The following SLC44A5 variants were observed in gnomAD, a reference collection of about 807,000 sequenced individuals.
SLC44A5 encodes solute carrier family 44 member 5.
A neutral mutation model predicts 101.8 loss-of-function variants in SLC44A5; 57 were observed. The observed-to-expected ratio is 0.56, with a 90% confidence interval of 0.45 to 0.70. The LOEUF (loss-of-function observed/expected upper bound fraction) is 0.70. Ranked by LOEUF, SLC44A5 falls within the 30% of genes least tolerant of loss-of-function variation. The pLI is 0.00. For missense variants in SLC44A5, 737 were observed against 853.1 expected (o/e 0.86, Z 1.70); for synonymous variants, 281 against 290.9 (o/e 0.97, Z 0.35).
chr1:75,605,637 T>A (rs920983798), intron 1 of SLC44A5, among the ~76,000 whole-genome samples: 1 of 152,112 alleles, frequency 6.6e-6, no homozygotes, highest in Non-Finnish European at 1.5e-5. Context: ...TTAATGTTCC[T>A]CTGTCATGGG....
At chr1:75,670,420 G>A in the SLC44A5 span, among the ~76,000 whole-genome samples, 2 of 152,078 alleles carry the variant, frequency 1.3e-5, no homozygotes, top group Non-Finnish European at 2.9e-5. Flanking sequence ...ACAACAGAAT[G>A]AAAGGGAATT....
intron 3 of SLC44A5, among the ~76,000 whole-genome samples, chr1:75,388,546 C>G (rs191334321): frequency 2.0e-5 from 3 of 152,046 alleles, no homozygotes; most frequent in Non-Finnish European, 4.4e-5. Flanking sequence ...TTTGGGAGGC[C>G]GAGGCGGGTG....
At chr1:75,653,987 T>C in the SLC44A5 span, among the ~76,000 whole-genome samples, 1 of 152,134 alleles carries the variant, frequency 6.6e-6, no homozygotes, top group Non-Finnish European at 1.5e-5. Context: ...ACTATAAAGG[T>C]AGGGTAAAGC....
intron 23 of SLC44A5, among the ~76,000 whole-genome samples, chr1:75,207,922 T>C (rs1267071789): frequency 1.3e-5 from 2 of 152,186 alleles, no homozygotes; most frequent in Non-Finnish European, 2.9e-5. Context: ...CTGTCTAGGA[T>C]GCTCTTCCCT....
intron 16 of SLC44A5, 120 bp downstream of exon 16, chr1:75,219,137 T>C: frequency 1.4e-6 from 1 of 728,502 alleles, no homozygotes; most frequent in Non-Finnish European, 2.4e-6. Flanking sequence ...CTTCAGCACA[T>C]AGTTGTCCCC....
At chr1:75,713,035 C>T in the SLC44A5 span, among the ~76,000 whole-genome samples, 1,361 of 152,272 alleles carry the variant, frequency 8.9e-3, 21 homozygotes, top group African/African-American at 0.031. Context: ...ACTATAACTG[C>T]TCCTGTTCCG....
intron 2 of SLC44A5, among the ~76,000 whole-genome samples, chr1:75,446,435 T>G (rs1665580271): frequency 6.6e-6 from 1 of 152,184 alleles, no homozygotes; most frequent in Non-Finnish European, 1.5e-5. Context: ...CTCTTTTGAG[T>G]CTCTGCCTAA....
At chr1:75,383,847 C>A (rs528306740) in intron 3 of SLC44A5, among the ~76,000 whole-genome samples, 1 of 152,068 alleles carries the variant, frequency 6.6e-6, no homozygotes, top group African/African-American at 2.4e-5. Context: ...ATCAGACTAA[C>A]AGCAGATCTC....
At chr1:75,486,821 T>C (rs1330820727) in intron 2 of SLC44A5, among the ~76,000 whole-genome samples, 1 of 152,224 alleles carries the variant, frequency 6.6e-6, no homozygotes, top group Non-Finnish European at 1.5e-5. Context: ...TTTCTTTCTG[T>C]TCTGAATCCT....
At chr1:75,550,273 T>C (rs1671867472) in intron 1 of SLC44A5, among the ~76,000 whole-genome samples, 1 of 152,102 alleles carries the variant, frequency 6.6e-6, no homozygotes, top group Non-Finnish European at 1.5e-5. Context: ...GAAAACATGC[T>C]AAGTGAAAGA....
chr1:75,412,433 G>A (rs76360113), intron 2 of SLC44A5, among the ~76,000 whole-genome samples: 5 of 152,010 alleles, frequency 3.3e-5, no homozygotes, highest in Non-Finnish European at 4.4e-5. Context: ...AGCTTAGATC[G>A]AACCTCAGAA....
intron 1 of SLC44A5, among the ~76,000 whole-genome samples, chr1:75,569,574 A>G (rs1157496460): frequency 3.3e-5 from 5 of 152,138 alleles, no homozygotes; most frequent in South Asian, 2.1e-4. Context: ...AAAACATTCT[A>G]TTGAATGAAT....
At chr1:75,362,186 G>C (rs1361651295) in intron 3 of SLC44A5, among the ~76,000 whole-genome samples, 1 of 151,220 alleles carries the variant, frequency 6.6e-6, no homozygotes, top group East Asian at 1.9e-4. Flanking sequence ...TTTATTTGAG[G>C]CTTCTCTCTT....
At chr1:75,205,298 T>C (rs1646731482) in intron 23 of SLC44A5, 1 of 152,238 alleles carries the variant, frequency 6.6e-6, no homozygotes, top group Admixed American at 6.5e-5. Context: ...ATATGAGTGA[T>C]ATTCAGATCA....
chr1:75,415,755 CTTG>C (rs1663600976), intron 2 of SLC44A5, among the ~76,000 whole-genome samples: 2 of 152,086 alleles, frequency 1.3e-5, no homozygotes, highest in Non-Finnish European at 2.9e-5. Flanking sequence ...AAATGAGGAA[CTTG>C]TTGGGAACTA....
rs1463843466 is a variant in SLC44A5 at position 75,339,770 on chromosome 1, A to ACT, written c.53-141_53-140insAG. 6 of 626,974 alleles carry ACT rather than the reference A, an allele frequency of 9.6e-6. No individual in the cohort carries two copies. In the African/African-American group the frequency reaches 1.1e-4, roughly 12 times the overall value. The allele number at this position is 626,974 out of a possible 1,614,324, so 38.8% of individuals were successfully genotyped here. Reference sequence around the variant, plus strand: ...TTCATACTTTGGTTTGATGAAACATAAGTATGTCTTGGTTACAGTTGTCAA... The same window carrying ACT: ...TTCATACTTTGGTTTGATGAAACATACTAGTATGTCTTGGTTACAGTTGTCAA... On this transcript the variant is annotated intron_variant, in intron 3 of 23. Coordinates refer to ENST00000370859, the MANE Select transcript of SLC44A5 (RefSeq NM_001130058.2).
chr1:75,282,629 A>G (rs1394584479), intron 5 of SLC44A5, among the ~76,000 whole-genome samples: 1 of 152,116 alleles, frequency 6.6e-6, no homozygotes, highest in Non-Finnish European at 1.5e-5. Flanking sequence ...GCTTCATGGA[A>G]GGTCACTAGA....
At chr1:75,429,354 C>T (rs1193594647) in intron 2 of SLC44A5, among the ~76,000 whole-genome samples, 2 of 152,090 alleles carry the variant, frequency 1.3e-5, no homozygotes, top group African/African-American at 4.8e-5. Context: ...TTCTAACAAA[C>T]CAAGAAACAG....
chr1:75,237,070 A>G lies in SLC44A5; in HGVS notation c.657T>C (p.Asn219=). The change falls in exon 11 of 24, where the codon AAT becomes AAC. Residue 219 remains asparagine, a splice_region_variant and synonymous_variant. Transcript: ENST00000370859. ...TTGCATCAAGAAGTTTATTGATACC[A>G]CTGCATTGAAAGAAGGGAAAAAATC... ...RSVVELGIAA[N]GINKLLDAKS... 1.9e-6 allele frequency: 3 copies of G among 1,582,624 alleles called. No individual in the cohort carries two copies. The highest frequency in any genetic ancestry group is 2.6e-6 in the Non-Finnish European group (3 of 1,154,690).
Sources: allele counts gnomAD v4.1 joint callset (sites outside exome capture counted in the v4.1 genomes callset), GRCh38; gene constraint gnomAD v4.1.1; transcripts MANE v1.5; gene names NCBI Gene and HGNC (gene_info 2026-07-23, HGNC 2026-07-21).